The following SYCP2 variants were observed in gnomAD, a reference collection of about 807,000 sequenced individuals.
SYCP2 encodes the protein synaptonemal complex protein 2.
In SYCP2, 55 loss-of-function variants were observed where a neutral mutation model predicts 211.3. The ratio of observed to expected loss-of-function variants is 0.26; its 90% CI spans 0.21 to 0.33. The LOEUF is 0.33. Among genes scored for constraint, SYCP2 ranks in the 10% least tolerant of loss-of-function variants. SYCP2 has a pLI of 1.00. For synonymous variants in SYCP2, 570 were observed against 555.2 expected (o/e 1.03, Z -0.37); for missense variants, 1,731 against 1,752.0 (o/e 0.99, Z 0.21).
chr20:59,907,744 G>A (rs6027191), intron 14 of SYCP2, among the ~76,000 whole-genome samples: 6 of 151,936 alleles, frequency 3.9e-5, no homozygotes, highest in African/African-American at 1.4e-4. Context: ...TGTTTTCTTT[G>A]AAATATTTTA....
rs555963029 is a variant in SYCP2 at position 59,885,639 on chromosome 20, T to TACAC, written c.2529+285_2529+288dup. ...GAAATGGGATTGGCTATTAAAAAAA[T>TACAC]ACACACACACACACACGCGCGCACG... is the stretch of plus-strand genomic sequence containing the variant. On this transcript the variant is annotated intron_variant, in intron 26 of 44. Transcript: ENST00000357552. Among the ~76,000 whole-genome samples, 1,083 of 151,070 alleles carry TACAC rather than the reference T, an allele frequency of 7.2e-3. 15 individuals are homozygous for TACAC. Among genetic ancestry groups the TACAC allele is most frequent in the African/African-American group, 0.025 (1,019 of 41,148 alleles).
rs767487316 is a variant in SYCP2 at position 59,886,787 on chromosome 20, C to T, written c.2412G>A (p.Leu804=). ...GKEFTNVAES[L]ISQINKRYKT... is the part of the protein sequence containing the mutation. ...TGTATCTTTTATTGATTTGGCTTAT[C>T]AAGGATTCTGCTACATTGGTAAATT... The change falls in exon 25 of 45, where the codon TTG becomes TTA. Residue 804 remains leucine (L), a synonymous_variant. Coordinates refer to ENST00000357552, the MANE Select transcript of SYCP2 (RefSeq NM_014258.4). 2 of 1,590,670 alleles carry T rather than the reference C, an allele frequency of 1.3e-6. No homozygotes were observed. The highest frequency in any genetic ancestry group is 1.4e-5 in the African/African-American group (1 of 73,566).
intron 15 of SYCP2, among the ~76,000 whole-genome samples, chr20:59,902,815 C>G (rs1365471120): frequency 2.6e-5 from 4 of 152,080 alleles, no homozygotes; most frequent in Admixed American, 2.6e-4. Flanking sequence ...TCAAAGAGCG[C>G]TAGTAGTTTT....
rs1254050056 is a variant in SYCP2 at position 59,866,600 on chromosome 20, C to A, written c.4126-11G>T. On this transcript the variant is annotated splice_polypyrimidine_tract_variant and intron_variant, in intron 39 of 44. Coordinates refer to ENST00000357552, the MANE Select transcript of SYCP2 (RefSeq NM_014258.4). ...CATTTTATGTCGGATCTGAAAAATA[C>A]TCATTTTTAAGTTAAAATATCTTTA... 22 of 1,553,450 alleles carry A rather than the reference C, an allele frequency of 1.4e-5. No individual in the cohort carries two copies. Among genetic ancestry groups the A allele is most frequent in the Non-Finnish European group, 1.7e-5 (20 of 1,145,330 alleles).
chr20:59,895,381 A>G (rs1027491088), intron 20 of SYCP2, 56 bp downstream of exon 20: 23 of 1,469,254 alleles, frequency 1.6e-5, no homozygotes, highest in South Asian at 1.3e-4. Flanking sequence ...AGCTCAATAC[A>G]TATTTCCACA....
chr20:59,876,898 T>C (rs761659658), intron 33 of SYCP2, among the ~76,000 whole-genome samples: 1 of 152,160 alleles, frequency 6.6e-6, no homozygotes. Flanking sequence ...ATTACTTCTA[T>C]AGATGGTAGA....
intron 5 of SYCP2, 122 bp from the exon 6 acceptor site, chr20:59,919,719 G>C: frequency 2.0e-6 from 1 of 507,888 alleles, no homozygotes; most frequent in Non-Finnish European, 3.4e-6. Context: ...TTTTAGTGTT[G>C]TATCAAAATA....
intron 36 of SYCP2, 131 bp downstream of exon 36, chr20:59,869,667 C>T: frequency 1.9e-6 from 1 of 534,552 alleles, no homozygotes; most frequent in Non-Finnish European, 3.2e-6. Flanking sequence ...ATACTTTAAA[C>T]ATCAGATTTT....
chr20:59,864,423 TCA>T (rs764443175), intron 44 of SYCP2, 35 bp from the exon 45 acceptor site: 4 of 1,442,258 alleles, frequency 2.8e-6, no homozygotes, highest in Non-Finnish European at 3.8e-6. Flanking sequence ...CACTTAGATT[TCA>T]CATTTTCGCT....
Position 59,868,884 on chromosome 20 carries a change from T to C in SYCP2, c.3783A>G (p.Gly1261=), listed in dbSNP as rs143459402. The change falls in exon 37 of 45, where the codon GGA becomes GGG. Residue 1261 remains glycine (G), a synonymous_variant. Coordinates refer to ENST00000357552, the MANE Select transcript of SYCP2 (RefSeq NM_014258.4). ...GCATGTCAAACCACGTTTTCTCTCT[T>C]CCTTCACTAGACTTGGATAATGAAG... is the stretch of plus-strand genomic sequence containing the variant. ...LASSLSKSSE[G]REKTWFDMPC... 1 of 1,610,060 alleles carries C rather than the reference T, an allele frequency of 6.2e-7. No individual in the cohort carries two copies. The highest frequency in any genetic ancestry group is 1.3e-5 in the African/African-American group (1 of 74,616).
At chr20:59,901,036 G>GCCTT (rs2060106469) in intron 16 of SYCP2, among the ~76,000 whole-genome samples, 1 of 151,716 alleles carries the variant, frequency 6.6e-6, no homozygotes, top group Non-Finnish European at 1.5e-5. Flanking sequence ...GAGGAACAAG[G>GCCTT]GTTCCTCACA....
At position 59,892,613 on chromosome 20, in the gene SYCP2, T is replaced by G; in HGVS notation, c.1882A>C (p.Asn628His). Residue 628 changes from asparagine (N) to histidine (H), a missense_variant, in exon 23 of 45, where the codon AAT becomes CAT. Asn to His is a moderately conservative substitution (Grantham distance 68). Around this residue, in one of 3 missense-constraint regions of SYCP2, gnomAD observed 1,387 missense variants for 1,351.3 expected, o/e 1.03. Transcript: ENST00000357552. ...WTPVTNIELC[N>H]NQRASTSSGD... ...GACGAAGTACTTGCTCTTTGGTTAT[T>G]ACATAGTTCAATGTTTGTTACAGGT... The G allele has an allele frequency of 6.2e-7, 1 of 1,610,354 alleles. No homozygotes were observed. Among genetic ancestry groups the G allele is most frequent in the South Asian group, 1.1e-5 (1 of 90,566 alleles).
At chr20:59,864,467 A>T in intron 44 of SYCP2, 79 bp from the exon 45 acceptor site, 1 of 985,684 alleles carries the variant, frequency 1.0e-6, no homozygotes, top group Non-Finnish European at 1.5e-6. Context: ...GAAAAAAAAA[A>T]ATCAAGCTGT....
chr20:59,868,818 A>G lies in SYCP2; in HGVS notation c.3832+17T>C. The stretch of plus-strand genomic sequence containing the variant: ...TTCAGTAATCATTTTTTAAAAAGCA[A>G]GACTATGACTACAAACCTGATACAT... On this transcript the variant is annotated intron_variant, in intron 37 of 44. Transcript: ENST00000357552. The G allele has an allele frequency of 1.3e-6, 2 of 1,580,890 alleles. No homozygotes were observed. Among genetic ancestry groups the G allele is most frequent in the Non-Finnish European group, 1.7e-6 (2 of 1,165,794 alleles).
intron 30 of SYCP2, 33 bp downstream of exon 30, chr20:59,880,933 T>C (rs2059666046): frequency 1.0e-6 from 1 of 994,028 alleles, no homozygotes; most frequent in African/African-American, 1.7e-5. Context: ...GAAATACTAC[T>C]TCTAATAGAC....
chr20:59,906,842 TAAAA>T (rs1304613864), intron 15 of SYCP2, among the ~76,000 whole-genome samples: 1 of 151,890 alleles, frequency 6.6e-6, no homozygotes. Flanking sequence ...ACAAAATATT[TAAAA>T]TATATACTTT....
Position 59,894,995 on chromosome 20 carries a change from T to C in SYCP2, c.1665+442A>G, listed in dbSNP as rs182905629. Among the ~76,000 whole-genome samples the C allele has an allele frequency of 9.9e-5, 15 of 152,064 alleles. No individual in the cohort carries two copies. In the East Asian group the frequency reaches 2.9e-3, roughly 29 times the overall value. On this transcript the variant is annotated intron_variant, in intron 20 of 44. Transcript: ENST00000357552. ...CACCTCTAGCTATGGGGTTAGGCAC[T>C]TGACCCTCTAACTTGGTTCCTACTG...
intron 24 of SYCP2, among the ~76,000 whole-genome samples, chr20:59,887,800 GAA>G (rs2059823937): frequency 6.8e-6 from 1 of 146,648 alleles, no homozygotes; most frequent in African/African-American, 2.6e-5. Flanking sequence ...TAACTAAGAA[GAA>G]AGAGAAAAAA....
intron 18 of SYCP2, among the ~76,000 whole-genome samples, chr20:59,899,860 A>G (rs554711339): frequency 6.6e-6 from 1 of 152,292 alleles, no homozygotes; most frequent in East Asian, 1.9e-4. Context: ...GCAATTATAG[A>G]ACAAAAAGGA....
Sources: gnomAD v4.1 joint callset for allele counts (sites outside exome capture counted in the v4.1 genomes callset) on GRCh38, gnomAD v4.1.1 for gene constraint, gnomAD v4.1.1 regional missense constraint, MANE v1.5 for transcripts, NCBI Gene and HGNC (gene_info 2026-07-23, HGNC 2026-07-21) for gene names.